Variants in SLC30A8 observed in about 807,000 individuals in gnomAD.
SLC30A8 encodes the protein solute carrier family 30 member 8.
In SLC30A8, 27 loss-of-function variants were observed where a neutral mutation model predicts 36.9. The observed-to-expected ratio is 0.73, with a 90% CI of 0.54 to 1.01. The LOEUF (loss-of-function observed/expected upper bound fraction) is 1.01, where lower values mean the gene tolerates loss of function less well. Ranked by LOEUF, SLC30A8 falls within the 50% of genes least tolerant of loss-of-function variation. The pLI is 0.00. For synonymous variants in SLC30A8, 164 were observed against 172.4 expected (o/e 0.95, Z 0.38); for missense variants, 439 against 452.0 (o/e 0.97, Z 0.26).
intron 3 of SLC30A8, 55 bp downstream of exon 3, chr8:117,153,145 A>T: frequency 6.8e-7 from 1 of 1,472,640 alleles, no homozygotes; most frequent in Admixed American, 2.1e-5. Flanking sequence ...AGTCAAACCA[A>T]GGGTAAAAGT....
intron 7 of SLC30A8, 53 bp downstream of exon 7, chr8:117,171,221 G>A: frequency 1.3e-5 from 20 of 1,584,932 alleles, no homozygotes; most frequent in Non-Finnish European, 1.6e-5. Context: ...GTCCTGTAAA[G>A]TCAGTAATTT....
chr8:117,024,732 A>C (rs2130729938), intron 1 of SLC30A8, among the ~76,000 whole-genome samples: 1 of 152,356 alleles, frequency 6.6e-6, no homozygotes, highest in Admixed American at 6.5e-5. Flanking sequence ...GGTGCAGAGC[A>C]ACATTCCATA....
chr8:117,109,723 T>C (rs919160416), intron 2 of SLC30A8, among the ~76,000 whole-genome samples: 1 of 152,176 alleles, frequency 6.6e-6, no homozygotes, highest in African/African-American at 2.4e-5. Flanking sequence ...TGTTATTAAG[T>C]TGAAAAATTG....
At chr8:117,047,544 C>G (rs868015152) in intron 2 of SLC30A8, among the ~76,000 whole-genome samples, 1 of 152,052 alleles carries the variant, frequency 6.6e-6, no homozygotes, top group Non-Finnish European at 1.5e-5. Flanking sequence ...ACTCCCAAGT[C>G]CAACAGGTAA....
Position 117,146,988 on chromosome 8 carries a change from C to A in SLC30A8, c.106C>A (p.Gln36Lys). The change falls in exon 2 of 8, where the codon CAG becomes AAG. Residue 36 changes from glutamine (Q) to lysine (K), a missense_variant. Transcript: ENST00000456015. Reference protein sequence around the residue: ...ELQQKPVNKDQCPRERPEELE... With the variant: ...ELQQKPVNKDKCPRERPEELE... ...CCAACAGAAACCGGTGAATAAAGAT[C>A]AGTGTCCCAGAGAGAGACCAGAGGA... The A allele has an allele frequency of 6.2e-7, 1 of 1,614,050 alleles. No individual in the cohort carries two copies. The highest frequency in any genetic ancestry group is 8.5e-7 in the Non-Finnish European group (1 of 1,179,966).
intron 1 of SLC30A8, among the ~76,000 whole-genome samples, chr8:116,964,583 C>G (rs1045218730): frequency 3.3e-5 from 5 of 152,202 alleles, no homozygotes; most frequent in Non-Finnish European, 7.3e-5. Context: ...GGATGGGAAG[C>G]TTTCTGAGAA....
At chr8:117,087,937 A>G (rs181118419) in intron 2 of SLC30A8, among the ~76,000 whole-genome samples, 13 of 152,122 alleles carry the variant, frequency 8.5e-5, no homozygotes, top group African/African-American at 3.1e-4. Context: ...CAGGGAGGAA[A>G]GAAAGAAAGT....
At chr8:117,011,032 A>G (rs1816327257) in intron 1 of SLC30A8, among the ~76,000 whole-genome samples, 1 of 152,220 alleles carries the variant, frequency 6.6e-6, no homozygotes, top group African/African-American at 2.4e-5. Flanking sequence ...TCAGTCGTAT[A>G]TCTGGGTGTG....
chr8:117,160,363 C>G (rs1822713740), intron 4 of SLC30A8, among the ~76,000 whole-genome samples: 1 of 151,606 alleles, frequency 6.6e-6, no homozygotes, highest in Non-Finnish European at 1.5e-5. Context: ...GTTGTATTAC[C>G]CATAGTACCA....
intron 2 of SLC30A8, among the ~76,000 whole-genome samples, chr8:117,052,542 G>A (rs1043147335): frequency 6.6e-6 from 1 of 152,224 alleles, no homozygotes; most frequent in Non-Finnish European, 1.5e-5. Context: ...TACACTGAGA[G>A]AACATGACCT....
In SLC30A8 at chr8:117,175,916, T is replaced by TCTGA. The variant is rs1319356151; in HGVS notation, c.*3239_*3242dup. 1 of 152,086 alleles carries TCTGA rather than the reference T, an allele frequency of 6.6e-6. No individual in the cohort carries two copies. Among genetic ancestry groups the TCTGA allele is most frequent in the South Asian group, 2.1e-4 (1 of 4,830 alleles). The allele number at this position is 152,086 out of a possible 1,614,324, so 9.4% of individuals were successfully genotyped here. Reference sequence around the variant, plus strand: ...ATTAATTAAAATAGTCGAATCCCTTTCTGACTGTCTCTGAAAGCTTCCGCT... The same window carrying TCTGA: ...ATTAATTAAAATAGTCGAATCCCTTTCTGACTGACTGTCTCTGAAAGCTTCCGCT... On this transcript the variant is annotated 3_prime_UTR_variant, in exon 8 of 8. Coordinates refer to ENST00000456015, the MANE Select transcript of SLC30A8 (RefSeq NM_173851.3).
At chr8:116,978,756 T>A (rs1375879255) in intron 1 of SLC30A8, among the ~76,000 whole-genome samples, 1 of 152,142 alleles carries the variant, frequency 6.6e-6, no homozygotes, top group Non-Finnish European at 1.5e-5. Context: ...TTTCTGGAAA[T>A]TTTCTGAGAC....
rs529361614 is a variant in SLC30A8 at position 117,164,757 on chromosome 8, C to G, written c.829+1227C>G. 2.0e-5 allele frequency among the ~76,000 whole-genome samples: 3 copies of G among 152,200 alleles called. No individual in the cohort carries two copies. The East Asian group carries it at 5.8e-4, about 29-fold the overall frequency. On this transcript the variant is annotated intron_variant, in intron 6 of 7. Transcript: ENST00000456015. Reference sequence around the variant, plus strand: ...GAGCAGGGGCCAGTGGTCCCAGAGGCTTTGCTAAGGCCTGCTCTTAGCCCC... The same window carrying G: ...GAGCAGGGGCCAGTGGTCCCAGAGGGTTTGCTAAGGCCTGCTCTTAGCCCC...
intron 1 of SLC30A8, among the ~76,000 whole-genome samples, chr8:117,036,117 C>CA (rs1563758397): frequency 6.6e-6 from 1 of 152,188 alleles, no homozygotes; most frequent in Non-Finnish European, 1.5e-5. Context: ...ATTCCCCCCC[C>CA]CAGAAAATGG....
At chr8:117,046,968 GT>G (rs1174150158) in intron 2 of SLC30A8, among the ~76,000 whole-genome samples, 1 of 152,162 alleles carries the variant, frequency 6.6e-6, no homozygotes, top group Non-Finnish European at 1.5e-5. Flanking sequence ...TTGCTCATTT[GT>G]TTGTTTGAAT....
At chr8:117,083,771 C>T (rs550579083) in intron 2 of SLC30A8, among the ~76,000 whole-genome samples, 2 of 152,258 alleles carry the variant, frequency 1.3e-5, no homozygotes, top group East Asian at 3.9e-4. Flanking sequence ...AGTAGACATG[C>T]TGCATGAATA....
chr8:117,142,223 ACTCCAC>A (rs1821686776), intron 1 of SLC30A8, among the ~76,000 whole-genome samples: 1 of 151,708 alleles, frequency 6.6e-6, no homozygotes, highest in Non-Finnish European at 1.5e-5. Flanking sequence ...AGTCCTATTG[ACTCCAC>A]CTCCCAAAAG....
At position 117,022,741 on chromosome 8, in the gene SLC30A8, G is replaced by T. The variant is rs544317473; in HGVS notation, c.-265-16478G>T. On this transcript the variant is annotated intron_variant, in intron 1 of 10. Transcript: ENST00000427715. ...AAAAATTAATTCAAGATGGATCAAA[G>T]ACTTAAATGTTAGACCTAAAACCAT... Among the ~76,000 whole-genome samples the T allele has an allele frequency of 2.6e-5, 4 of 152,286 alleles. No homozygotes were observed. In the East Asian group the frequency reaches 5.8e-4, roughly 22 times the overall value.
chr8:117,068,028 C>T (rs540857460), intron 2 of SLC30A8, among the ~76,000 whole-genome samples: 1 of 152,112 alleles, frequency 6.6e-6, no homozygotes, highest in Non-Finnish European at 1.5e-5. Context: ...TGAACAGATT[C>T]ATTTTTTATA....
Sources: gnomAD v4.1 joint callset for allele counts (sites outside exome capture counted in the v4.1 genomes callset) on GRCh38, gnomAD v4.1.1 for gene constraint, MANE v1.5 for transcripts, NCBI Gene and HGNC (gene_info 2026-07-23, HGNC 2026-07-21) for gene names.